IL2RA: variants seen among roughly 807,000 people sequenced by gnomAD.
IL2RA encodes interleukin-2 receptor subunit alpha.
A neutral mutation model predicts 37.8 loss-of-function variants in IL2RA; 24 were observed. That is an observed-to-expected ratio of 0.63 (90% confidence interval 0.46 to 0.89). IL2RA has a LOEUF of 0.89. IL2RA is among the 40% of genes least tolerant of loss of function. The probability of loss-of-function intolerance (pLI) is 0.00; values close to 1 mark genes in which losing one functional copy is unlikely to be tolerated. For synonymous variants in IL2RA, 125 were observed against 114.6 expected, an observed-to-expected ratio of 1.09 and a Z score of -0.58; for missense variants, 319 against 348.6, an observed-to-expected ratio of 0.92 and a Z score of 0.68.
In IL2RA at chr10:6,044,065, T is replaced by G. The variant is rs1451943007; in HGVS notation, c.64+18023A>C. On this transcript the variant is annotated intron_variant, in intron 1 of 7. Coordinates refer to ENST00000379959, the MANE Select transcript of IL2RA (RefSeq NM_000417.3). The surrounding 1 kb of genome is among the most constrained non-coding windows in gnomAD (Gnocchi z 4.5). ...TGGCAAGTCCACAGCGGGGAAAGTCTAACTCCCAATTTTATTTATGAAGTC... is the reference window on the plus strand; with the variant it reads ...TGGCAAGTCCACAGCGGGGAAAGTCGAACTCCCAATTTTATTTATGAAGTC... Among the ~76,000 whole-genome samples, 1 of 152,208 alleles carries G rather than the reference T, an allele frequency of 6.6e-6. No homozygotes were observed. The highest frequency in any genetic ancestry group is 1.9e-4 in the East Asian group (1 of 5,192).
In IL2RA at chr10:6,020,036, G is replaced by T. The variant is rs1047987169; in HGVS notation, c.584-95C>A. On this transcript the variant is annotated intron_variant, in intron 4 of 7. Coordinates refer to ENST00000379959, the MANE Select transcript of IL2RA (RefSeq NM_000417.3). The surrounding 1 kb of genome is among the most constrained non-coding windows in gnomAD (Gnocchi z 5.6). ...GCCCCAGGCAGCCGGCCCCAGACAC[G>T]CCCGAGGAGGCAGGAATCCTGGTGT... 3.0e-6 allele frequency: 3 copies of T among 1,012,356 alleles called. No individual in the cohort carries two copies. The highest frequency in any genetic ancestry group is 4.7e-6 in the Non-Finnish European group (3 of 639,944). The allele number at this position is 1,012,356 out of a possible 1,614,324, so 62.7% of individuals were successfully genotyped here. A position where few individuals can be genotyped will look rare whatever the true frequency, so the allele number is the denominator to read the frequency against.
chr10:6,017,572 ATTTTT>A (rs71390109), intron 7 of IL2RA, among the ~76,000 whole-genome samples: 19 of 104,862 alleles, frequency 1.8e-4, no homozygotes, highest in African/African-American at 2.6e-4. Flanking sequence ...TGGTCGTTTA[ATTTTT>A]TTTTTTTTTT....
At position 6,019,945 on chromosome 10, in the gene IL2RA, G is replaced by C. The variant is rs1375905263; in HGVS notation, c.584-4C>G. On this transcript the variant is annotated splice_region_variant and splice_polypyrimidine_tract_variant and intron_variant, in intron 4 of 7. Transcript: ENST00000379959. ...CTTGCCTGAGGCTTCTCTTCACCTG[G>C]GGGAGAGAGTAAGTGATGCTGGTGG... The C allele has an allele frequency of 1.9e-6, 3 of 1,613,018 alleles. No individual in the cohort carries two copies. The highest frequency in any genetic ancestry group is 2.5e-6 in the Non-Finnish European group (3 of 1,179,080).
At chr10:6,041,937 A>C (rs1839777858) in intron 1 of IL2RA, among the ~76,000 whole-genome samples, 1 of 152,058 alleles carries the variant, frequency 6.6e-6, no homozygotes, top group African/African-American at 2.4e-5. Context: ...AGATATAAGA[A>C]AGCTCCATAG....
Position 6,057,174 on chromosome 10 carries a change from A to G in IL2RA, c.64+4914T>C, listed in dbSNP as rs1422087420. Among the ~76,000 whole-genome samples, 3 of 152,114 alleles carry G rather than the reference A, an allele frequency of 2.0e-5. No individual in the cohort carries two copies. The highest frequency in any genetic ancestry group is 2.0e-4 in the Admixed American group (3 of 15,278). ...TCAGGACTATGTCGCTCATTTTTACATTTCCTATAGTATTGAAAAGGGGCA... is the reference window on the plus strand; with the variant it reads ...TCAGGACTATGTCGCTCATTTTTACGTTTCCTATAGTATTGAAAAGGGGCA... On this transcript the variant is annotated intron_variant, in intron 1 of 7. Transcript: ENST00000379959. The surrounding 1 kb of genome is among the most constrained non-coding windows in gnomAD (Gnocchi z 4.8).
In IL2RA at chr10:6,047,140, A is replaced by G. The variant is rs1358905347; in HGVS notation, c.64+14948T>C. The stretch of plus-strand genomic sequence containing the variant: ...CCTCAAATCCCTGCATGCCCTGCGC[A>G]TGCCCTAACCCTGAGGAGGTGCTGA... On this transcript the variant is annotated intron_variant, in intron 1 of 7. Transcript: ENST00000379959. This position sits in a 1 kb window ranked among gnomAD's most constrained non-coding sequence, Gnocchi z 5.0. Among the ~76,000 whole-genome samples, 2 of 152,208 alleles carry G rather than the reference A, an allele frequency of 1.3e-5. No homozygotes were observed. Among genetic ancestry groups the G allele is most frequent in the East Asian group, 3.9e-4 (2 of 5,190 alleles).
chr10:6,054,019 C>G lies in IL2RA; in HGVS notation c.64+8069G>C, dbSNP rs549389003. Among the ~76,000 whole-genome samples, 1 of 152,358 alleles carries G rather than the reference C, an allele frequency of 6.6e-6. No homozygotes were observed. Among genetic ancestry groups the G allele is most frequent in the Admixed American group, 6.5e-5 (1 of 15,308 alleles). ...GGCACAGGATGTCAATACTCCTGATCCGTATCTTGCCTTCCCTCCACCCGT... is the reference window on the plus strand; with the variant it reads ...GGCACAGGATGTCAATACTCCTGATGCGTATCTTGCCTTCCCTCCACCCGT... On this transcript the variant is annotated intron_variant, in intron 1 of 7. Coordinates refer to ENST00000379959, the MANE Select transcript of IL2RA (RefSeq NM_000417.3). This position sits in a 1 kb window ranked among gnomAD's most constrained non-coding sequence, Gnocchi z 4.5.
rs891160189 is a variant in IL2RA at position 6,054,601 on chromosome 10, T to A, written c.64+7487A>T. ...TGTAGTTGTCCTGGCAAACCCCTCA[T>A]CTCTCTAATTGGTCAGCTCACTACT... On this transcript the variant is annotated intron_variant, in intron 1 of 7. Transcript: ENST00000379959. This position sits in a 1 kb window ranked among gnomAD's most constrained non-coding sequence, Gnocchi z 4.5. Among the ~76,000 whole-genome samples the A allele has an allele frequency of 2.0e-5, 3 of 152,082 alleles. No homozygotes were observed. Among genetic ancestry groups the A allele is most frequent in the Admixed American group, 2.0e-4 (3 of 15,264 alleles).
At position 6,025,774 on chromosome 10, in the gene IL2RA, C is replaced by T. The variant is rs1839472760; in HGVS notation, c.256+60G>A. ...TAGGGCTGAGTGAACAAAAGCTGGG[C>T]TCTGTCTCACTCTTTGCTGCAGTTC... On this transcript the variant is annotated intron_variant, in intron 2 of 7. Transcript: ENST00000379959. This position sits in a 1 kb window ranked among gnomAD's most constrained non-coding sequence, Gnocchi z 4.4. 2.0e-6 allele frequency: 3 copies of T among 1,526,312 alleles called. No individual in the cohort carries two copies. Among genetic ancestry groups the T allele is most frequent in the Non-Finnish European group, 2.7e-6 (3 of 1,101,254 alleles). 94.5% of individuals were successfully genotyped at this position (1,526,312 alleles called of 1,614,324 possible).
Position 6,057,603 on chromosome 10 carries a change from C to T in IL2RA, c.64+4485G>A, listed in dbSNP as rs1194441482. Among the ~76,000 whole-genome samples the T allele has an allele frequency of 2.0e-5, 3 of 152,162 alleles. No homozygotes were observed. Among genetic ancestry groups the T allele is most frequent in the Non-Finnish European group, 4.4e-5 (3 of 68,030 alleles). On this transcript the variant is annotated intron_variant, in intron 1 of 7. Coordinates refer to ENST00000379959, the MANE Select transcript of IL2RA (RefSeq NM_000417.3). This position sits in a 1 kb window ranked among gnomAD's most constrained non-coding sequence, Gnocchi z 4.8. ...CCCTCCCCGTGTCCTCTCCTCAGTG[C>T]TTTGGCCCACTTTCTGCTTCCTGCA...
chr10:6,061,101 A>T (rs1266005418), intron 1 of IL2RA, among the ~76,000 whole-genome samples: 2 of 152,168 alleles, frequency 1.3e-5, no homozygotes, highest in East Asian at 1.9e-4. Context: ...TTTAAAAAAA[A>T]ATATTGGCCA....
Position 6,016,021 on chromosome 10 carries a change from T to C in IL2RA, c.794+2032A>G, listed in dbSNP as rs544793921. Among the ~76,000 whole-genome samples, 90 of 152,250 alleles carry C rather than the reference T, an allele frequency of 5.9e-4. 1 individual carries two copies. The South Asian group carries it at 7.3e-3, about 12-fold the overall frequency. On this transcript the variant is annotated intron_variant, in intron 7 of 7. Transcript: ENST00000379959. ...AATCAGTGGGGATGGCTGTACAACA[T>C]TGCAAACATACTAAATACCACTTAC... is the stretch of plus-strand genomic sequence containing the variant.
chr10:6,042,469 T>C (rs989541361), intron 1 of IL2RA, among the ~76,000 whole-genome samples: 38 of 152,138 alleles, frequency 2.5e-4, no homozygotes, highest in African/African-American at 8.7e-4. Context: ...GGTGGAAACA[T>C]ATACAATTCC....
In IL2RA at chr10:6,054,160, G is replaced by A. The variant is rs182731071; in HGVS notation, c.64+7928C>T. On this transcript the variant is annotated intron_variant, in intron 1 of 7. Transcript: ENST00000379959. This position sits in a 1 kb window ranked among gnomAD's most constrained non-coding sequence, Gnocchi z 4.5. ...CTCCTTAAGCAGGATGCCTGGATCC[G>A]GGTCGAGGGCTGCAGGCGGAGCTGC... 3.9e-5 allele frequency among the ~76,000 whole-genome samples: 6 copies of A among 152,254 alleles called. No homozygotes were observed. Among genetic ancestry groups the A allele is most frequent in the African/African-American group, 1.2e-4 (5 of 41,454 alleles).
intron 7 of IL2RA, 79 bp downstream of exon 7, chr10:6,017,974 G>A (rs942538301): frequency 2.7e-6 from 3 of 1,100,874 alleles, no homozygotes; most frequent in African/African-American, 3.1e-5. Context: ...GAGCATGGAG[G>A]GGGTAGGGGG....
chr10:6,021,341 G>C lies in IL2RA; in HGVS notation c.583+137C>G, dbSNP rs1428568652. On this transcript the variant is annotated intron_variant, in intron 4 of 7. Transcript: ENST00000379959. The surrounding 1 kb of genome is among the most constrained non-coding windows in gnomAD (Gnocchi z 4.9). The stretch of plus-strand genomic sequence containing the variant: ...AATTTTTTTTTTTTTCTCAGAATGA[G>C]AAAAAATGGAAGCCCAGGGAGATCA... 4 of 761,578 alleles carry C rather than the reference G, an allele frequency of 5.3e-6. No individual in the cohort carries two copies. The African/African-American group carries it at 5.4e-5, about 10-fold the overall frequency. The allele number at this position is 761,578 out of a possible 1,614,324, so 47.2% of individuals were successfully genotyped here.
At position 6,010,909 on chromosome 10, in the gene IL2RA, T is replaced by A. The variant is rs1051285618; in HGVS notation, c.*1963A>T. On this transcript the variant is annotated 3_prime_UTR_variant, in exon 8 of 8. Coordinates refer to ENST00000379959, the MANE Select transcript of IL2RA (RefSeq NM_000417.3). The stretch of plus-strand genomic sequence containing the variant: ...AACACCCAAAAGTCGTAATCAGTTC[T>A]ACTCAAGTAAGATTTAAATATATAT... 5 of 152,336 alleles carry A rather than the reference T, an allele frequency of 3.3e-5. No individual in the cohort carries two copies. Among genetic ancestry groups the A allele is most frequent in the African/African-American group, 9.7e-5 (4 of 41,448 alleles). 9.4% of individuals were successfully genotyped at this position (152,336 alleles called of 1,614,324 possible). A position where few individuals can be genotyped will look rare whatever the true frequency, so the allele number is the denominator to read the frequency against.
At position 6,021,981 on chromosome 10, in the gene IL2RA, G is replaced by A. The variant is rs760320762; in HGVS notation, c.368-288C>T. ...GCAATGGGAACACAGAGGAATGAGC[G>A]ATTCATTCTGGTTGGTGCGGCCCCG... On this transcript the variant is annotated intron_variant, in intron 3 of 7. Coordinates refer to ENST00000379959, the MANE Select transcript of IL2RA (RefSeq NM_000417.3). The surrounding 1 kb of genome is among the most constrained non-coding windows in gnomAD (Gnocchi z 4.9). 6.6e-5 allele frequency among the ~76,000 whole-genome samples: 10 copies of A among 152,270 alleles called. No individual in the cohort carries two copies. The highest frequency in any genetic ancestry group is 6.2e-4 in the South Asian group (3 of 4,818).
chr10:6,022,476 T>G lies in IL2RA; in HGVS notation c.368-783A>C, dbSNP rs1265677244. On this transcript the variant is annotated intron_variant, in intron 3 of 7. Coordinates refer to ENST00000379959, the MANE Select transcript of IL2RA (RefSeq NM_000417.3). This position sits in a 1 kb window ranked among gnomAD's most constrained non-coding sequence, Gnocchi z 4.7. ...AGCCCCCAACCTGGACATATGGAAT[T>G]GTATGTGCCCTCTAACCCCAGCCTG... Among the ~76,000 whole-genome samples the G allele has an allele frequency of 6.6e-6, 1 of 152,118 alleles. No individual in the cohort carries two copies. Among genetic ancestry groups the G allele is most frequent in the East Asian group, 1.9e-4 (1 of 5,198 alleles).
Sources: allele counts gnomAD v4.1 joint callset (sites outside exome capture counted in the v4.1 genomes callset), GRCh38; gene constraint gnomAD v4.1.1; non-coding constraint Gnocchi (gnomAD v3.1); transcripts MANE v1.5; gene names NCBI Gene and HGNC (gene_info 2026-07-23, HGNC 2026-07-21).